DENND1B: variants seen among roughly 807,000 people sequenced by gnomAD.
DENND1B encodes DENN domain-containing protein 1B.
In DENND1B, 59 loss-of-function variants were observed where a neutral mutation model predicts 90.1. The ratio of observed to expected loss-of-function variants is 0.65; its 90% confidence interval spans 0.53 to 0.81. The LOEUF is 0.81. Among genes scored for constraint, DENND1B ranks in the 40% least tolerant of loss-of-function variants. The pLI is 0.00. For synonymous variants in DENND1B, 337 were observed against 324.6 expected (o/e 1.04, Z -0.41); for missense variants, 862 against 912.6 (o/e 0.94, Z 0.71).
At chr1:197,633,448 G>C (rs920606674) in intron 10 of DENND1B, among the ~76,000 whole-genome samples, 1 of 152,144 alleles carries the variant, frequency 6.6e-6, no homozygotes, top group African/African-American at 2.4e-5. Flanking sequence ...TGTCAGGAGA[G>C]GGTACTAAAG....
At chr1:197,757,327 A>G (rs1042229543) in intron 2 of DENND1B, 25 of 152,296 alleles carry the variant, frequency 1.6e-4, no homozygotes, top group African/African-American at 6.0e-4. Context: ...AACAGTGAAC[A>G]AAAGCAGTGA....
At chr1:197,573,301 A>G (rs897624822) in intron 15 of DENND1B, among the ~76,000 whole-genome samples, 1 of 150,356 alleles carries the variant, frequency 6.7e-6, no homozygotes, top group Admixed American at 6.6e-5. Context: ...CCCTCTACAC[A>G]CTGCTTTGAA....
intron 3 of DENND1B, among the ~76,000 whole-genome samples, chr1:197,686,229 T>C (rs1427470243): frequency 6.6e-6 from 1 of 152,214 alleles, no homozygotes; most frequent in Non-Finnish European, 1.5e-5. Flanking sequence ...CTGAATAAAT[T>C]ATATCATGCC....
At chr1:197,538,750 TGAATTTTGTCC>T (rs905908742) in intron 20 of DENND1B, among the ~76,000 whole-genome samples, 1 of 151,404 alleles carries the variant, frequency 6.6e-6, no homozygotes, top group Non-Finnish European at 1.5e-5. Context: ...TGTTACGGTT[TGAATTTTGTCC>T]TCTCAAAATC....
At chr1:197,721,534 T>G (rs368785302) in intron 2 of DENND1B, among the ~76,000 whole-genome samples, 10 of 152,012 alleles carry the variant, frequency 6.6e-5, no homozygotes, top group Admixed American at 2.0e-4. Flanking sequence ...GGACATAAAT[T>G]ACACAAGTAA....
At chr1:197,686,144 G>T (rs1034864456) in intron 3 of DENND1B, among the ~76,000 whole-genome samples, 1 of 152,006 alleles carries the variant, frequency 6.6e-6, no homozygotes, top group African/African-American at 2.4e-5. Flanking sequence ...TCTTACAGAG[G>T]ATTTTACTCA....
At chr1:197,525,476 G>T (rs1347886850) in intron 20 of DENND1B, among the ~76,000 whole-genome samples, 1 of 151,986 alleles carries the variant, frequency 6.6e-6, no homozygotes, top group Non-Finnish European at 1.5e-5. Flanking sequence ...ATTTAAAAAG[G>T]TTTCTTAATA....
At chr1:197,544,955 G>GGAGGAGGAGGA (rs1558222461) in intron 18 of DENND1B, among the ~76,000 whole-genome samples, 1 of 54,234 alleles carries the variant, frequency 1.8e-5, no homozygotes, top group Non-Finnish European at 3.9e-5. Context: ...GAAGAGAGAA[G>GGAGGAGGAGGA]GGAGAAGGAG....
chr1:197,567,340 A>C (rs1672762557), intron 15 of DENND1B, among the ~76,000 whole-genome samples: 1 of 152,140 alleles, frequency 6.6e-6, no homozygotes, highest in South Asian at 2.1e-4. Context: ...ATGAACAAGG[A>C]GACTGAATCA....
chr1:197,767,584 A>T (rs1386435425), intron 2 of DENND1B, among the ~76,000 whole-genome samples: 1 of 152,200 alleles, frequency 6.6e-6, no homozygotes. Flanking sequence ...TGTTCTAGGT[A>T]AAAAGAAAGG....
chr1:197,548,434 T>C (rs1313440251), intron 16 of DENND1B, among the ~76,000 whole-genome samples: 1 of 152,180 alleles, frequency 6.6e-6, no homozygotes, highest in Non-Finnish European at 1.5e-5. Context: ...AGCATAATAG[T>C]CATTGTCCTT....
intron 6 of DENND1B, 54 bp from the exon 7 acceptor site, chr1:197,652,369 CA>C (rs1653326416): frequency 7.4e-7 from 1 of 1,349,896 alleles, no homozygotes; most frequent in African/African-American, 1.5e-5. Context: ...CAAGCAACTG[CA>C]ATTAAAACTA....
At chr1:197,740,187 T>C (rs190536450) in intron 2 of DENND1B, among the ~76,000 whole-genome samples, 1 of 143,632 alleles carries the variant, frequency 7.0e-6, no homozygotes, top group Non-Finnish European at 1.5e-5. Context: ...TGTGCAGATA[T>C]CTTGGGAAAG....
At chr1:197,735,979 C>CA (rs1662640843) in intron 2 of DENND1B, 2 of 1,218,856 alleles carry the variant, frequency 1.6e-6, no homozygotes, top group Non-Finnish European at 2.4e-6. Context: ...GCTAAGGAAG[C>CA]AAAAAAGGCT....
chr1:197,598,408 C>T (rs1675901793), intron 13 of DENND1B, among the ~76,000 whole-genome samples: 1 of 151,792 alleles, frequency 6.6e-6, no homozygotes, highest in African/African-American at 2.4e-5. Flanking sequence ...ATCATTGCAT[C>T]AACCTGGCTG....
intron 10 of DENND1B, among the ~76,000 whole-genome samples, chr1:197,622,586 A>C (rs1013266113): frequency 6.6e-6 from 1 of 151,464 alleles, no homozygotes; most frequent in Non-Finnish European, 1.5e-5. Flanking sequence ...TTGTATGAGA[A>C]ATCTATGATA....
intron 10 of DENND1B, among the ~76,000 whole-genome samples, 199 bp downstream of exon 10, chr1:197,642,512 C>T (rs1186706277): frequency 3.9e-5 from 6 of 152,022 alleles, no homozygotes; most frequent in African/African-American, 1.4e-4. Flanking sequence ...AAATAATTAA[C>T]CTGACTTAAT....
intron 17 of DENND1B, 100 bp downstream of exon 17, chr1:197,546,633 T>A: frequency 9.9e-7 from 1 of 1,007,134 alleles, no homozygotes; most frequent in Non-Finnish European, 1.4e-6. Context: ...ACATTTCAAA[T>A]ATTTCAAATA....
At chr1:197,529,242 A>ATATATATGTGTGTGTGTG (rs1553277550) in intron 20 of DENND1B, among the ~76,000 whole-genome samples, 1 of 10,864 alleles carries the variant, frequency 9.2e-5, no homozygotes, top group African/African-American at 1.7e-4. Context: ...ATATATATAT[A>ATATATATGTGTGTGTGTG]TGTGTGTGTG....
Sources: gnomAD v4.1 joint callset for allele counts (sites outside exome capture counted in the v4.1 genomes callset) on GRCh38, gnomAD v4.1.1 for gene constraint, MANE v1.5 for transcripts, NCBI Gene and HGNC (gene_info 2026-07-23, HGNC 2026-07-21) for gene names.